The following STK38L variants were observed in gnomAD, a reference collection of about 807,000 sequenced individuals.
STK38L encodes the protein serine/threonine-protein kinase 38-like.
STK38L carries 28 observed loss-of-function variants against 59.7 expected under a neutral mutation model. The observed-to-expected ratio is 0.47, with a 90% confidence interval of 0.35 to 0.64. The LOEUF (loss-of-function observed/expected upper bound fraction) is 0.64. Among genes scored for constraint, STK38L ranks in the 30% least tolerant of loss-of-function variants. The pLI, the probability that STK38L is intolerant of heterozygous loss-of-function variation, is 0.01. For missense variants in STK38L, 314 were observed against 555.8 expected, an observed-to-expected ratio of 0.56 and a Z score of 4.37; for synonymous variants, 162 against 176.8, an observed-to-expected ratio of 0.92 and a Z score of 0.66.
At chr12:27,252,300 A>G (rs1942993042) in intron 1 of STK38L, among the ~76,000 whole-genome samples, 1 of 152,138 alleles carries the variant, frequency 6.6e-6, no homozygotes, top group African/African-American at 2.4e-5. Flanking sequence ...TTTTGTAGAA[A>G]ATTGAATATG....
At chr12:27,253,837 C>T (rs2136603428) in intron 1 of STK38L, among the ~76,000 whole-genome samples, 1 of 152,326 alleles carries the variant, frequency 6.6e-6, no homozygotes, top group African/African-American at 2.4e-5. Flanking sequence ...TGATGCTGGA[C>T]AGGAGCAATG....
At position 27,247,975 on chromosome 12, in the gene STK38L, C is replaced by T. The variant is rs770316832; in HGVS notation, c.-12+3643C>T. On this transcript the variant is annotated intron_variant, in intron 1 of 13. Transcript: ENST00000389032. The stretch of plus-strand genomic sequence containing the variant: ...GACTACAGGTGTGCACAAGCACGCC[C>T]GACTGATTTTTAAATTTTTTGTAGA... Among the ~76,000 whole-genome samples the T allele has an allele frequency of 9.9e-5, 15 of 151,654 alleles. No individual in the cohort carries two copies. In the Middle Eastern group the frequency reaches 0.01, roughly 105 times the overall value.
chr12:27,262,989 G>C (rs908878006), intron 1 of STK38L, among the ~76,000 whole-genome samples: 1 of 151,820 alleles, frequency 6.6e-6, no homozygotes, highest in African/African-American at 2.4e-5. Context: ...GGTAGAGATG[G>C]GGTTTCTCCA....
intron 3 of STK38L, among the ~76,000 whole-genome samples, chr12:27,307,668 T>C (rs546429259): frequency 6.6e-5 from 10 of 152,344 alleles, no homozygotes; most frequent in Non-Finnish European, 1.3e-4. Flanking sequence ...ATAAAATAAA[T>C]ACCTGTTCCA....
chr12:27,265,704 G>T (rs1317981252), intron 1 of STK38L, among the ~76,000 whole-genome samples: 1 of 152,170 alleles, frequency 6.6e-6, no homozygotes, highest in African/African-American at 2.4e-5. Flanking sequence ...GGCTGCATGT[G>T]TGAGTTTGGC....
At chr12:27,301,950 A>G (rs1944184635) in intron 2 of STK38L, among the ~76,000 whole-genome samples, 187 bp from the exon 3 acceptor site, 1 of 152,170 alleles carries the variant, frequency 6.6e-6, no homozygotes. Flanking sequence ...AGTATGAGAA[A>G]GCAAAATCTG....
intron 1 of STK38L, among the ~76,000 whole-genome samples, chr12:27,264,847 T>TA (rs766361682): frequency 2.0e-5 from 3 of 152,266 alleles, no homozygotes; most frequent in Admixed American, 6.5e-5. Context: ...GAGTTATCTG[T>TA]AAAAAAATGT....
At position 27,259,646 on chromosome 12, in the gene STK38L, CT is replaced by C. The variant is rs1555130122; in HGVS notation, c.-12+15322del. ...AGAAGTGAAGGGTTTCTTTCCCCCC[CT>C]TTTTTTTCCTATCATGTATTAACTA... On this transcript the variant is annotated intron_variant, in intron 1 of 13. Transcript: ENST00000389032. 5.3e-5 allele frequency among the ~76,000 whole-genome samples: 8 copies of C among 152,114 alleles called. No homozygotes were observed. In the East Asian group the frequency reaches 1.2e-3, roughly 22 times the overall value.
At chr12:27,291,531 C>T (rs1474472981) in intron 1 of STK38L, among the ~76,000 whole-genome samples, 4 of 152,206 alleles carry the variant, frequency 2.6e-5, no homozygotes, top group Non-Finnish European at 5.9e-5. Flanking sequence ...CTCAGCACTT[C>T]ATACAGTCAA....
chr12:27,271,811 T>A (rs1167233057), intron 1 of STK38L, among the ~76,000 whole-genome samples: 1 of 152,216 alleles, frequency 6.6e-6, no homozygotes, highest in Admixed American at 6.5e-5. Flanking sequence ...GAGATCCTCC[T>A]GCCTCAGCCT....
At chr12:27,280,236 A>G (rs1271432366) in intron 1 of STK38L, among the ~76,000 whole-genome samples, 1 of 152,210 alleles carries the variant, frequency 6.6e-6, no homozygotes, top group African/African-American at 2.4e-5. Flanking sequence ...CTTGAGGCGG[A>G]TAAGCAGTTC....
chr12:27,316,469 T>C (rs901373673), intron 9 of STK38L, among the ~76,000 whole-genome samples: 1 of 152,210 alleles, frequency 6.6e-6, no homozygotes, highest in Non-Finnish European at 1.5e-5. Flanking sequence ...TGGCCAGTAG[T>C]TGCCAAGCCT....
intron 2 of STK38L, among the ~76,000 whole-genome samples, chr12:27,300,229 G>A (rs1944132017): frequency 6.6e-6 from 1 of 152,160 alleles, no homozygotes; most frequent in East Asian, 1.9e-4. Context: ...TTAAGAAAAT[G>A]TGATGTATTT....
intron 5 of STK38L, among the ~76,000 whole-genome samples, chr12:27,312,256 A>T (rs530248077): frequency 6.6e-6 from 1 of 152,276 alleles, no homozygotes; most frequent in East Asian, 1.9e-4. Context: ...TAGGCTGGGT[A>T]GAGATTCTGG....
In STK38L at chr12:27,317,316, G is replaced by A; in HGVS notation, c.838-20G>A. 2 of 1,547,482 alleles carry A rather than the reference G, an allele frequency of 1.3e-6. No individual in the cohort carries two copies. Among genetic ancestry groups the A allele is most frequent in the Admixed American group, 1.8e-5 (1 of 54,064 alleles). On this transcript the variant is annotated intron_variant, in intron 9 of 13. Transcript: ENST00000389032. ...TTTTAAATGTTAAGAATGCTGGTTT[G>A]ACGAGTTGCTCCTTTGTAGGCATAT...
At chr12:27,305,034 G>A (rs936075917) in intron 3 of STK38L, among the ~76,000 whole-genome samples, 1 of 152,196 alleles carries the variant, frequency 6.6e-6, no homozygotes, top group African/African-American at 2.4e-5. Flanking sequence ...CCCAGCCCAT[G>A]TGGACATGCC....
chr12:27,271,186 G>A (rs1259052019), intron 1 of STK38L, among the ~76,000 whole-genome samples: 2 of 152,218 alleles, frequency 1.3e-5, no homozygotes, highest in African/African-American at 4.8e-5. Flanking sequence ...AATGGAATTA[G>A]GGATTCAAAG....
intron 1 of STK38L, among the ~76,000 whole-genome samples, chr12:27,246,929 C>T (rs1942867547): frequency 6.6e-6 from 1 of 152,154 alleles, no homozygotes; most frequent in African/African-American, 2.4e-5. Flanking sequence ...TGGTTGCTGT[C>T]TTCAAGGAGA....
chr12:27,303,909 T>G (rs1462051649), intron 3 of STK38L, among the ~76,000 whole-genome samples: 2 of 152,118 alleles, frequency 1.3e-5, no homozygotes, highest in Non-Finnish European at 2.9e-5. Context: ...AGGTTTAGAA[T>G]AGTTTACTAA....
Sources: gnomAD v4.1 joint callset for allele counts (sites outside exome capture counted in the v4.1 genomes callset) on GRCh38, gnomAD v4.1.1 for gene constraint, MANE v1.5 for transcripts, NCBI Gene and HGNC (gene_info 2026-07-23, HGNC 2026-07-21) for gene names.